DOCK2: variants seen among roughly 807,000 people sequenced by gnomAD.
The protein encoded by DOCK2 is dedicator of cytokinesis protein 2.
A neutral mutation model predicts 248.9 loss-of-function variants in DOCK2; 87 were observed. The observed-to-expected ratio is 0.35, with a 90% CI of 0.29 to 0.42. DOCK2 has a LOEUF of 0.42. DOCK2 is among the 10% of genes least tolerant of loss of function. DOCK2 has a pLI of 1.00. For missense variants in DOCK2, 1,747 were observed against 2,300.2 expected (o/e 0.76, Z 4.92); for synonymous variants, 805 against 821.6 (o/e 0.98, Z 0.35).
intron 46 of DOCK2, among the ~76,000 whole-genome samples, chr5:170,070,705 G>T (rs1027956696): frequency 1.3e-5 from 2 of 152,176 alleles, no homozygotes; most frequent in East Asian, 1.9e-4. Context: ...TTGCTTAGTT[G>T]TTGGATGTCA....
chr5:170,019,687 C>T (rs986709211), intron 33 of DOCK2, among the ~76,000 whole-genome samples: 2 of 152,154 alleles, frequency 1.3e-5, no homozygotes, highest in African/African-American at 4.8e-5. Context: ...TTGAATATTT[C>T]GTCAAACTTG....
Position 169,672,247 on chromosome 5 carries a change from AT to A in DOCK2, c.321+1074del, listed in dbSNP as rs1219236466. 3.3e-5 allele frequency among the ~76,000 whole-genome samples: 5 copies of A among 152,078 alleles called. No individual in the cohort carries two copies. In the East Asian group the frequency reaches 9.7e-4, roughly 29 times the overall value. ...GGCCTTGAACTCCTGACCTCAAGTG[AT>A]CCACCCACCTTGGCCTTCCAAAGTG... On this transcript the variant is annotated intron_variant, in intron 5 of 51. Transcript: ENST00000520908.
chr5:169,725,273 C>A (rs956742389), intron 22 of DOCK2, among the ~76,000 whole-genome samples: 1 of 152,044 alleles, frequency 6.6e-6, no homozygotes. Context: ...ATTAACTTGG[C>A]GTCAGATCAG....
At chr5:169,675,506 G>A (rs1759282299) in intron 6 of DOCK2, among the ~76,000 whole-genome samples, 1 of 152,188 alleles carries the variant, frequency 6.6e-6, no homozygotes, top group Admixed American at 6.5e-5. Context: ...CTGCTGATAT[G>A]TACTGTGAGA....
chr5:169,903,917 T>A (rs1220800206), intron 27 of DOCK2, among the ~76,000 whole-genome samples: 1 of 151,840 alleles, frequency 6.6e-6, no homozygotes, highest in Non-Finnish European at 1.5e-5. Context: ...CTGGCCAACA[T>A]GGCGAAGCTC....
chr5:169,909,676 A>T (rs772702892), intron 27 of DOCK2, among the ~76,000 whole-genome samples: 1 of 152,218 alleles, frequency 6.6e-6, no homozygotes, highest in Non-Finnish European at 1.5e-5. Context: ...TAAACCTATA[A>T]TACATCTACT....
chr5:169,742,939 C>CT (rs1763400553), intron 22 of DOCK2, among the ~76,000 whole-genome samples: 1 of 152,204 alleles, frequency 6.6e-6, no homozygotes, highest in Admixed American at 6.5e-5. Context: ...TGGTCAGGGC[C>CT]TTAGGGCCCT....
chr5:169,681,672 G>A, intron 6 of DOCK2, 72 bp from the exon 7 acceptor site: 2 of 1,568,860 alleles, frequency 1.3e-6, no homozygotes, highest in Non-Finnish European at 1.7e-6. Context: ...TGAACTTTCT[G>A]GTAAAAAGCT....
intron 27 of DOCK2, among the ~76,000 whole-genome samples, chr5:169,952,847 T>G (rs1194814488): frequency 6.6e-6 from 1 of 152,066 alleles, no homozygotes; most frequent in African/African-American, 2.4e-5. Flanking sequence ...AATGGAAAGA[T>G]GGACAGATAC....
intron 26 of DOCK2, among the ~76,000 whole-genome samples, chr5:169,830,310 A>G (rs1459151293): frequency 6.6e-6 from 1 of 152,230 alleles, no homozygotes; most frequent in Admixed American, 6.5e-5. Context: ...TAAGTGCTCA[A>G]TAAATATTGA....
At position 169,708,174 on chromosome 5, in the gene DOCK2, A is replaced by G; in HGVS notation, c.1389A>G (p.Ala463=). 6.2e-7 allele frequency: 1 copy of G among 1,613,864 alleles called. No homozygotes were observed. The highest frequency in any genetic ancestry group is 8.5e-7 in the Non-Finnish European group (1 of 1,179,914). The change falls in exon 15 of 52, where the codon GCA becomes GCG. Residue 463 remains alanine, a synonymous_variant. Transcript: ENST00000520908. ...CAEDGKTLPN[A]ICVGAGDKPM... is the part of the protein sequence containing the mutation. ...CTTTGTTTTTCTTGGGTCAGAATGC[A>G]ATTTGCGTGGGAGCAGGGGACAAGC...
At chr5:169,796,168 C>G (rs1264471355) in intron 25 of DOCK2, among the ~76,000 whole-genome samples, 1 of 152,186 alleles carries the variant, frequency 6.6e-6, no homozygotes. Context: ...GTGTTTAACC[C>G]TCTTCCCCAA....
chr5:169,857,499 T>A (rs1265084319), intron 27 of DOCK2, among the ~76,000 whole-genome samples: 2 of 152,126 alleles, frequency 1.3e-5, no homozygotes, highest in African/African-American at 4.8e-5. Flanking sequence ...TTCTCAAATA[T>A]CTTCTCCACA....
At chr5:170,018,232 C>G (rs909536163) in intron 32 of DOCK2, among the ~76,000 whole-genome samples, 1 of 152,146 alleles carries the variant, frequency 6.6e-6, no homozygotes, top group African/African-American at 2.4e-5. Flanking sequence ...TAGCACCCAT[C>G]TGGGGGAGGC....
chr5:169,693,866 C>G (rs1259967432), intron 9 of DOCK2, among the ~76,000 whole-genome samples: 1 of 152,172 alleles, frequency 6.6e-6, no homozygotes, highest in African/African-American at 2.4e-5. Flanking sequence ...TCTGGCAAAC[C>G]TGTTTTTGCT....
chr5:169,780,316 TG>T (rs1765633474), intron 25 of DOCK2, among the ~76,000 whole-genome samples: 1 of 147,018 alleles, frequency 6.8e-6, no homozygotes, highest in South Asian at 2.2e-4. Flanking sequence ...TGTGTGTGTG[TG>T]TGTGTGTGTG....
At chr5:169,825,579 T>C (rs978333648) in intron 26 of DOCK2, among the ~76,000 whole-genome samples, 5 of 127,084 alleles carry the variant, frequency 3.9e-5, no homozygotes, top group African/African-American at 1.5e-4. Flanking sequence ...ATGAGAACAC[T>C]TGGACGCAGG....
chr5:169,853,804 C>CTTTTTTTTTTTTTTTTTTTTTTG (rs1770737581), intron 27 of DOCK2, among the ~76,000 whole-genome samples: 1 of 56,818 alleles, frequency 1.8e-5, no homozygotes, highest in African/African-American at 8.1e-5. Flanking sequence ...GGAAAAACAA[C>CTTTTTTTTTTTTTTTTTTTTTTG]TTTTTTTTTT....
At chr5:169,913,886 C>G (rs1774738940) in intron 27 of DOCK2, among the ~76,000 whole-genome samples, 2 of 152,184 alleles carry the variant, frequency 1.3e-5, no homozygotes, top group African/African-American at 2.4e-5. Context: ...GACATTATCT[C>G]TTTTAATCCT....
Sources: allele counts gnomAD v4.1 joint callset (sites outside exome capture counted in the v4.1 genomes callset), GRCh38; gene constraint gnomAD v4.1.1; transcripts MANE v1.5; gene names NCBI Gene and HGNC (gene_info 2026-07-23, HGNC 2026-07-21).